INPP5B: variants seen among roughly 807,000 people sequenced by gnomAD.
INPP5B encodes the protein inositol polyphosphate-5-phosphatase B.
In INPP5B, 90 loss-of-function variants were observed where a neutral mutation model predicts 118.5. That is an observed-to-expected ratio of 0.76 (90% confidence interval 0.64 to 0.90). The LOEUF (loss-of-function observed/expected upper bound fraction) is 0.90, where lower values mean the gene tolerates loss of function less well. Among genes scored for constraint, INPP5B ranks in the 40% least tolerant of loss-of-function variants. INPP5B has a pLI of 0.00. For missense variants in INPP5B, 984 were observed against 1,125.6 expected (o/e 0.87, Z 1.80); for synonymous variants, 385 against 418.9 (o/e 0.92, Z 0.99).
intron 16 of INPP5B, 59 bp from the exon 17 acceptor site, chr1:37,875,775 G>C: frequency 2.4e-6 from 3 of 1,240,514 alleles, no homozygotes; most frequent in Non-Finnish European, 3.6e-6. Context: ...CTCTTTCTCA[G>C]TATAGACGGC....
chr1:37,875,738 C>T (rs914180515), intron 16 of INPP5B, 22 bp from the exon 17 acceptor site: 2 of 1,571,762 alleles, frequency 1.3e-6, no homozygotes, highest in Admixed American at 3.3e-5. Flanking sequence ...ACATCAGAGA[C>T]TGAGTACCTT....
At chr1:37,864,600 G>C in intron 22 of INPP5B, 177 bp from the exon 23 acceptor site, 1 of 462,670 alleles carries the variant, frequency 2.2e-6, no homozygotes, top group South Asian at 4.0e-5. Context: ...AATGCAACAT[G>C]AATTTAGAAG....
chr1:37,944,302 T>G (rs1351471638), intron 3 of INPP5B, among the ~76,000 whole-genome samples: 1 of 152,170 alleles, frequency 6.6e-6, no homozygotes, highest in Non-Finnish European at 1.5e-5. Flanking sequence ...TCCTAGACCC[T>G]GAGTCACTTA....
At chr1:37,867,948 C>A (rs968468429) in intron 20 of INPP5B, among the ~76,000 whole-genome samples, 1 of 152,124 alleles carries the variant, frequency 6.6e-6, no homozygotes, top group Non-Finnish European at 1.5e-5. Context: ...CAGGGGGACC[C>A]CAGAGGCCAT....
intron 7 of INPP5B, 126 bp from the exon 8 acceptor site, chr1:37,891,580 G>C: frequency 1.6e-6 from 1 of 607,018 alleles, no homozygotes; most frequent in South Asian, 1.9e-5. Flanking sequence ...TTCGAGACCA[G>C]CCTGACCAAC....
In INPP5B at chr1:37,933,046, G is replaced by A. The variant is rs955144012; in HGVS notation, c.392-993C>T. Among the ~76,000 whole-genome samples the A allele has an allele frequency of 6.6e-5, 10 of 152,166 alleles. No individual in the cohort carries two copies. In the East Asian group the frequency reaches 1.2e-3, roughly 18 times the overall value. ...TCTGTAGAGCTGCATGAACCCGACCGAACTGAATAGGATGTGCAAGGACAT... is the reference window on the plus strand; with the variant it reads ...TCTGTAGAGCTGCATGAACCCGACCAAACTGAATAGGATGTGCAAGGACAT... On this transcript the variant is annotated intron_variant, in intron 6 of 23. Transcript: ENST00000373024.
At chr1:37,882,458 C>A (rs1390140153) in intron 14 of INPP5B, among the ~76,000 whole-genome samples, 1 of 152,148 alleles carries the variant, frequency 6.6e-6, no homozygotes, top group Non-Finnish European at 1.5e-5. Context: ...GAGGCTCATT[C>A]TAAAAACAAT....
At chr1:37,883,249 G>C in intron 13 of INPP5B, 7 of 985,390 alleles carry the variant, frequency 7.1e-6, no homozygotes, top group Non-Finnish European at 8.4e-6. Context: ...CAAGAATTGA[G>C]AGTCACGCCA....
chr1:37,861,395 C>G lies in INPP5B; in HGVS notation c.*920G>C, dbSNP rs1641685678. ...GATCTCAGCCCAGACTGACTATGCCCTGGAGGTAGGGTGAGTGAGTACAAG... is the reference window on the plus strand; with the variant it reads ...GATCTCAGCCCAGACTGACTATGCCGTGGAGGTAGGGTGAGTGAGTACAAG... On this transcript the variant is annotated 3_prime_UTR_variant, in exon 24 of 24. Coordinates refer to ENST00000373024, the MANE Select transcript of INPP5B (RefSeq NM_005540.3). The G allele has an allele frequency of 6.6e-6, 1 of 152,184 alleles. No individual in the cohort carries two copies. Among genetic ancestry groups the G allele is most frequent in the Non-Finnish European group, 1.5e-5 (1 of 68,054 alleles). The allele number at this position is 152,184 out of a possible 1,614,324, so 9.4% of individuals were successfully genotyped here. A position where few individuals can be genotyped will look rare whatever the true frequency, so the allele number is the denominator to read the frequency against.
rs1016635484 is a variant in INPP5B at position 37,865,628 on chromosome 1, A to G, written c.2514+133T>C. 8 of 967,014 alleles carry G rather than the reference A, an allele frequency of 8.3e-6. No homozygotes were observed. The African/African-American group carries it at 9.9e-5, about 12-fold the overall frequency. The allele number at this position is 967,014 out of a possible 1,614,324, so 59.9% of individuals were successfully genotyped here. On this transcript the variant is annotated intron_variant, in intron 22 of 23. Coordinates refer to ENST00000373024, the MANE Select transcript of INPP5B (RefSeq NM_005540.3). Reference sequence around the variant, plus strand: ...TTAAAAGAAACAAAGACATAAGAGAAAGAGCAGGTTTGAGAAGGAAAGATA... The same window carrying G: ...TTAAAAGAAACAAAGACATAAGAGAGAGAGCAGGTTTGAGAAGGAAAGATA...
At chr1:37,896,575 G>A in intron 7 of INPP5B, among the ~76,000 whole-genome samples, 1 of 145,224 alleles carries the variant, frequency 6.9e-6, no homozygotes, top group Non-Finnish European at 1.5e-5. Context: ...TGCCCGGCCA[G>A]CCGCTCCGTC....
intron 19 of INPP5B, among the ~76,000 whole-genome samples, chr1:37,868,825 G>T (rs1157122359): frequency 6.6e-6 from 1 of 152,166 alleles, no homozygotes; most frequent in Non-Finnish European, 1.5e-5. Context: ...CAGTTTCAAT[G>T]AATCAGGTCA....
At position 37,861,246 on chromosome 1, in the gene INPP5B, TCAGA is replaced by T. The variant is rs1471373866; in HGVS notation, c.*1065_*1068del. The T allele has an allele frequency of 2.6e-5, 4 of 152,358 alleles. No homozygotes were observed. Among genetic ancestry groups the T allele is most frequent in the East Asian group, 3.9e-4 (2 of 5,180 alleles). The allele number at this position is 152,358 out of a possible 1,614,324, so 9.4% of individuals were successfully genotyped here. On this transcript the variant is annotated 3_prime_UTR_variant, in exon 24 of 24. Transcript: ENST00000373024. ...AGTTTGCATATGCATATACACATCC[TCAGA>T]CAGAGCACTGAAAGCATCTGAGGTG...
At chr1:37,917,378 C>T (rs1257112894) in intron 7 of INPP5B, among the ~76,000 whole-genome samples, 1 of 142,846 alleles carries the variant, frequency 7.0e-6, no homozygotes, top group Non-Finnish European at 1.5e-5. Flanking sequence ...GGCTGAAGTG[C>T]AGTAGCGCGA....
At chr1:37,921,273 T>C (rs1645044633) in intron 7 of INPP5B, among the ~76,000 whole-genome samples, 1 of 152,172 alleles carries the variant, frequency 6.6e-6, no homozygotes, top group Non-Finnish European at 1.5e-5. Flanking sequence ...AAACGCCATG[T>C]AGAGTTTGGA....
In INPP5B at chr1:37,868,404, A is replaced by T. The variant is rs1642184179; in HGVS notation, c.2301+97T>A. 4 of 739,768 alleles carry T rather than the reference A, an allele frequency of 5.4e-6. No individual in the cohort carries two copies. The Admixed American group carries it at 7.9e-5, about 15-fold the overall frequency. The allele number at this position is 739,768 out of a possible 1,614,324, so 45.8% of individuals were successfully genotyped here. On this transcript the variant is annotated intron_variant, in intron 20 of 23. Coordinates refer to ENST00000373024, the MANE Select transcript of INPP5B (RefSeq NM_005540.3). Reference sequence around the variant, plus strand: ...TTCCTCCCCTCCCTGGGTGAAGAACAGTTCTCCACAGTTTCCTTATGAAAA... The same window carrying T: ...TTCCTCCCCTCCCTGGGTGAAGAACTGTTCTCCACAGTTTCCTTATGAAAA...
rs374888289 is a variant in INPP5B, at chr1:37,897,191, T to C, written c.533-5737A>G. On this transcript the variant is annotated intron_variant, in intron 7 of 23. Transcript: ENST00000373024. ...CTGCCTGGCCGCGCCTACTGGGAAGTGAGGAGCCCCTCTGCCCGGCCACCA... is the reference window on the plus strand; with the variant it reads ...CTGCCTGGCCGCGCCTACTGGGAAGCGAGGAGCCCCTCTGCCCGGCCACCA... Among the ~76,000 whole-genome samples, 314 of 151,184 alleles carry C rather than the reference T, an allele frequency of 2.1e-3. 7 individuals are homozygous for C. In the East Asian group the frequency reaches 0.043, roughly 21 times the overall value.
chr1:37,900,269 T>C (rs1644282181), intron 7 of INPP5B, among the ~76,000 whole-genome samples: 1 of 150,372 alleles, frequency 6.7e-6, no homozygotes, highest in Non-Finnish European at 1.5e-5. Flanking sequence ...CGGTTTTTTT[T>C]TTTTGAGACA....
chr1:37,875,577 T>C (rs762567363), intron 17 of INPP5B, 29 bp downstream of exon 17: 6 of 1,566,926 alleles, frequency 3.8e-6, no homozygotes, highest in Non-Finnish European at 5.3e-6. Context: ...CTGAGCCCAA[T>C]GCTAATATTC....
Sources: gnomAD v4.1 joint callset for allele counts (sites outside exome capture counted in the v4.1 genomes callset) on GRCh38, gnomAD v4.1.1 for gene constraint, MANE v1.5 for transcripts, NCBI Gene and HGNC (gene_info 2026-07-23, HGNC 2026-07-21) for gene names.